The following SLC5A5 variants were observed in gnomAD, a reference collection of about 807,000 sequenced individuals.
The protein encoded by SLC5A5 is sodium/iodide cotransporter.
In SLC5A5, 56 loss-of-function variants were observed where a neutral mutation model predicts 68.6. That is an observed-to-expected ratio of 0.82 (90% CI 0.66 to 1.02). The LOEUF is 1.02. Ranked by LOEUF, SLC5A5 falls within the 50% of genes least tolerant of loss-of-function variation. The pLI is 0.00. For missense variants in SLC5A5, 807 were observed against 859.8 expected, an observed-to-expected ratio of 0.94 and a Z score of 0.77; for synonymous variants, 398 against 373.0, an observed-to-expected ratio of 1.07 and a Z score of -0.77.
At chr19:17,882,421 C>T (rs2094322814) in intron 10 of SLC5A5, among the ~76,000 whole-genome samples, 1 of 151,948 alleles carries the variant, frequency 6.6e-6, no homozygotes, top group African/African-American at 2.4e-5. Context: ...CTGCAACCTC[C>T]AGCTCCTGGG....
At chr19:17,884,163 G>A (rs1568424045) in intron 12 of SLC5A5, 117 bp downstream of exon 12, 2 of 959,864 alleles carry the variant, frequency 2.1e-6, no homozygotes, top group Non-Finnish European at 1.6e-6. Context: ...CATTCCTGGG[G>A]GAGGGAACGG....
In SLC5A5 at chr19:17,883,934, A is replaced by C; in HGVS notation, c.1414A>C (p.Thr472Pro). The change falls in exon 12 of 15, where the codon ACC becomes CCC. Residue 472 changes from threonine to proline, a missense_variant. By Grantham distance (38) the Thr-to-Pro change is conservative (BLOSUM62 -1). Transcript: ENST00000222248. The stretch of plus-strand genomic sequence containing the variant: ...CACGCTGTACCCACCCAGCGAGCAG[A>C]CCATGAGGGTCCTGCCATCGTCGGC... The part of the protein sequence containing the change: ...GATLYPPSEQ[T>P]MRVLPSSAAR... 2 of 1,564,310 alleles carry C rather than the reference A, an allele frequency of 1.3e-6. No homozygotes were observed. Among genetic ancestry groups the C allele is most frequent in the Non-Finnish European group, 1.7e-6 (2 of 1,155,904 alleles).
At chr19:17,874,831 G>A (rs1420618176) in intron 4 of SLC5A5, 100 bp downstream of exon 4, 2 of 1,125,066 alleles carry the variant, frequency 1.8e-6, no homozygotes, top group Admixed American at 1.9e-5. Context: ...GGAAGCCTCT[G>A]TCCCAGCTGG....
intron 14 of SLC5A5, 41 bp downstream of exon 14, chr19:17,891,042 G>A (rs894750330): frequency 1.0e-5 from 13 of 1,282,048 alleles, no homozygotes; most frequent in Middle Eastern, 1.8e-4. Flanking sequence ...AGGCAGCCAA[G>A]TGACTTTAGG....
chr19:17,886,635 G>C (rs1599929520), intron 12 of SLC5A5, among the ~76,000 whole-genome samples: 1 of 152,098 alleles, frequency 6.6e-6, no homozygotes, highest in Non-Finnish European at 1.5e-5. Flanking sequence ...GGAACTACCA[G>C]ACTGTTTTCC....
At chr19:17,892,695 A>AGAGAGAGAGG (rs528009112) in intron 14 of SLC5A5, among the ~76,000 whole-genome samples, 2 of 148,606 alleles carry the variant, frequency 1.3e-5, no homozygotes, top group African/African-American at 2.5e-5. Context: ...AGAGAGAGAG[A>AGAGAGAGAGG]GAGCAAGCTA....
Position 17,883,927 on chromosome 19 carries a change from C to G in SLC5A5, c.1407C>G (p.Ser469Arg). 6.4e-7 allele frequency: 1 copy of G among 1,563,972 alleles called. No individual in the cohort carries two copies. The highest frequency in any genetic ancestry group is 1.2e-5 in the South Asian group (1 of 85,910). The part of the protein sequence containing the change: ...VALGATLYPP[S>R]EQTMRVLPSS... ...TGGGCGCCACGCTGTACCCACCCAG[C>G]GAGCAGACCATGAGGGTCCTGCCAT... The change falls in exon 12 of 15, where the codon AGC becomes AGG. Residue 469 changes from serine to arginine, a missense_variant. Physicochemically the swap from Ser to Arg is moderately radical, Grantham distance 110. Coordinates refer to ENST00000222248, the MANE Select transcript of SLC5A5 (RefSeq NM_000453.3).
rs1033729870 is a variant in SLC5A5 at position 17,875,999 on chromosome 19, G to T, written c.591G>T (p.Val197=). 6.8e-6 allele frequency: 11 copies of T among 1,614,066 alleles called. 2 individuals carry two copies. The South Asian group carries it at 8.8e-5, about 13-fold the overall frequency. The change falls in exon 5 of 15, where the codon GTG becomes GTT. Residue 197 remains valine, a synonymous_variant. Coordinates refer to ENST00000222248, the MANE Select transcript of SLC5A5 (RefSeq NM_000453.3). ...VVWTDVFQVV[V]MLSGFWVVLA... ...GGACTGATGTGTTCCAGGTCGTGGT[G>T]ATGCTAAGTGGCTTCTGGGTTGTCC...
chr19:17,888,250 CA>C, intron 12 of SLC5A5, 80 bp from the exon 13 acceptor site: 1 of 1,554,802 alleles, frequency 6.4e-7, no homozygotes. Context: ...GGGAAGGAAG[CA>C]GGGGGTGAGG....
Position 17,888,371 on chromosome 19 carries a change from T to A in SLC5A5, c.1567T>A (p.Phe523Ile), listed in dbSNP as rs1355889429. 2 of 1,613,914 alleles carry A rather than the reference T, an allele frequency of 1.2e-6. No homozygotes were observed. Among genetic ancestry groups the A allele is most frequent in the Non-Finnish European group, 1.7e-6 (2 of 1,180,026 alleles). Residue 523 changes from phenylalanine (F) to isoleucine (I), a missense_variant, in exon 13 of 15, where the codon TTC (phenylalanine) becomes ATC (isoleucine). Coordinates refer to ENST00000222248, the MANE Select transcript of SLC5A5 (RefSeq NM_000453.3). ...DASRPALADS[F>I]YAISYLYYGA... ...CAGCCGACCCGCCTTAGCTGACAGC[T>A]TCTATGCCATCTCCTATCTCTATTA...
Position 17,876,070 on chromosome 19 carries a change from C to G in SLC5A5, c.662C>G (p.Thr221Arg), listed in dbSNP as rs139517463. 6 of 1,614,066 alleles carry G rather than the reference C, an allele frequency of 3.7e-6. No homozygotes were observed. In the African/African-American group the frequency reaches 8.0e-5, roughly 22 times the overall value. ...GTGGGCGGGCCCCGCCAGGTGCTCA[C>G]GCTGGCCCAGAACCACTCCCGGATC... ...MLVGGPRQVLTLAQNHSRINL... is the reference protein window; with the variant it reads ...MLVGGPRQVLRLAQNHSRINL... The change falls in exon 5 of 15, where the codon ACG becomes AGG. Residue 221 changes from threonine to arginine, a missense_variant. By Grantham distance (71) the Thr-to-Arg change is moderately conservative. Coordinates refer to ENST00000222248, the MANE Select transcript of SLC5A5 (RefSeq NM_000453.3).
At chr19:17,874,857 T>A (rs961844277) in intron 4 of SLC5A5, 126 bp downstream of exon 4, 1 of 854,002 alleles carries the variant, frequency 1.2e-6, no homozygotes, top group Non-Finnish European at 1.9e-6. Context: ...AGTGTCCTCA[T>A]CTTTATAGTG....
At chr19:17,881,838 C>A in intron 8 of SLC5A5, 122 bp from the exon 9 acceptor site, 1 of 747,354 alleles carries the variant, frequency 1.3e-6, no homozygotes, top group Non-Finnish European at 2.4e-6. Flanking sequence ...ATATCTCCTT[C>A]ACCTTTGCAG....
Position 17,874,063 on chromosome 19 carries a change from G to C in SLC5A5, c.358-75G>C. 4.7e-6 allele frequency: 5 copies of C among 1,074,316 alleles called. No individual in the cohort carries two copies. In the South Asian group the frequency reaches 6.4e-5, roughly 14 times the overall value. 66.5% of individuals were successfully genotyped at this position (1,074,316 alleles called of 1,614,324 possible). On this transcript the variant is annotated intron_variant, in intron 1 of 14. Transcript: ENST00000222248. ...TTCCGGAGGGAGGGGCCCACCTAGAGAGCAGACCAGGGACCCGAGAGGCCT... is the reference window on the plus strand; with the variant it reads ...TTCCGGAGGGAGGGGCCCACCTAGACAGCAGACCAGGGACCCGAGAGGCCT...
intron 8 of SLC5A5, among the ~76,000 whole-genome samples, chr19:17,881,663 C>T (rs1005313538): frequency 3.3e-5 from 5 of 152,246 alleles, no homozygotes; most frequent in South Asian, 2.1e-4. Flanking sequence ...TTCCACTCTT[C>T]CGGGACTTCT....
chr19:17,892,682 G>GAGAC (rs1216257413), intron 14 of SLC5A5, among the ~76,000 whole-genome samples: 1 of 150,942 alleles, frequency 6.6e-6, no homozygotes. Flanking sequence ...GAGAGAGAGA[G>GAGAC]AGAGAGAGAG....
intron 13 of SLC5A5, among the ~76,000 whole-genome samples, chr19:17,889,413 AGAAGGAAG>A (rs566834926): frequency 6.2e-4 from 85 of 137,722 alleles, no homozygotes; most frequent in Middle Eastern, 6.9e-3. Context: ...AAAGAAAGAA[AGAAGGAAG>A]GAAGGAAGGA....
rs2094306151 is a variant in SLC5A5, at chr19:17,876,028, C to T, written c.620C>T (p.Ala207Val). ...CTAAGTGGCTTCTGGGTTGTCCTGGCACGCGGTGTCATGCTTGTGGGCGGG... is the reference window on the plus strand; with the variant it reads ...CTAAGTGGCTTCTGGGTTGTCCTGGTACGCGGTGTCATGCTTGTGGGCGGG... ...VMLSGFWVVL[A>V]RGVMLVGGPR... Residue 207 changes from alanine to valine, a missense_variant, in exon 5 of 15, where the codon GCA becomes GTA. Transcript: ENST00000222248. The T allele has an allele frequency of 6.2e-7, 1 of 1,614,180 alleles. No homozygotes were observed. The highest frequency in any genetic ancestry group is 2.2e-5 in the East Asian group (1 of 44,884).
At chr19:17,893,323 A>G (rs2030272333) in intron 14 of SLC5A5, among the ~76,000 whole-genome samples, 1 of 151,820 alleles carries the variant, frequency 6.6e-6, no homozygotes, top group African/African-American at 2.4e-5. Flanking sequence ...GGCTGGTCTT[A>G]AACTCCTGGG....
Sources: gnomAD v4.1 joint callset for allele counts (sites outside exome capture counted in the v4.1 genomes callset) on GRCh38, gnomAD v4.1.1 for gene constraint, MANE v1.5 for transcripts, NCBI Gene and HGNC (gene_info 2026-07-23, HGNC 2026-07-21) for gene names.